Variants in SASH1 observed in about 807,000 individuals in gnomAD.
SASH1 encodes the protein SAM and SH3 domain-containing protein 1.
SASH1 carries 44 observed loss-of-function variants against 125.2 expected under a neutral mutation model. The ratio of observed to expected loss-of-function variants is 0.35; its 90% CI spans 0.28 to 0.45. The LOEUF (loss-of-function observed/expected upper bound fraction) is 0.45. Ranked by LOEUF, SASH1 falls within the 20% of genes least tolerant of loss-of-function variation. SASH1 has a pLI of 1.00. For missense variants in SASH1, 1,426 were observed against 1,614.5 expected (o/e 0.88, Z 2.00); for synonymous variants, 639 against 649.1 (o/e 0.98, Z 0.24).
the SASH1 span, among the ~76,000 whole-genome samples, chr6:148,201,978 G>C: frequency 6.6e-6 from 1 of 151,992 alleles, no homozygotes; most frequent in South Asian, 2.1e-4. Flanking sequence ...GCTATTGAAG[G>C]TGTATATCCA....
intron 1 of SASH1, among the ~76,000 whole-genome samples, chr6:148,387,564 T>TTCTC (rs1219500842): frequency 7.7e-5 from 11 of 142,272 alleles, no homozygotes; most frequent in East Asian, 2.2e-4. Context: ...TTTCTTTCTT[T>TTCTC]TCTCTTTCTT....
rs1017701489 is a variant in SASH1 at position 148,512,049 on chromosome 6, C to T, written c.730-2275C>T. On this transcript the variant is annotated intron_variant, in intron 8 of 19. Transcript: ENST00000367467. ...TATTTATTTTTTTGAGACAGAGTCT[C>T]GCTCTGTCGCCCAGGCTGGAGTGCA... 1.4e-4 allele frequency among the ~76,000 whole-genome samples: 17 copies of T among 125,272 alleles called. No homozygotes were observed. In the East Asian group the frequency reaches 3.2e-3, roughly 24 times the overall value. 82.2% of individuals were successfully genotyped at this position (125,272 alleles called of 152,430 possible). A position where few individuals can be genotyped will look rare whatever the true frequency, so the allele number is the denominator to read the frequency against.
chr6:148,429,602 G>A (rs1002838459), intron 2 of SASH1, among the ~76,000 whole-genome samples: 1 of 151,622 alleles, frequency 6.6e-6, no homozygotes, highest in Non-Finnish European at 1.5e-5. Flanking sequence ...AATAAATTAG[G>A]CATGGTGGTG....
At chr6:148,368,755 C>T (rs1218311878) in intron 1 of SASH1, among the ~76,000 whole-genome samples, 6 of 123,838 alleles carry the variant, frequency 4.8e-5, no homozygotes, top group South Asian at 2.5e-4. Flanking sequence ...CCCCCACATG[C>T]GCGCGCACGC....
At chr6:148,397,112 G>A (rs1044797671) in intron 2 of SASH1, among the ~76,000 whole-genome samples, 8 of 151,990 alleles carry the variant, frequency 5.3e-5, no homozygotes, top group African/African-American at 1.7e-4. Flanking sequence ...GTTTCCCGGC[G>A]TCCACAGCTA....
intron 8 of SASH1, among the ~76,000 whole-genome samples, chr6:148,493,342 A>G (rs1779188342): frequency 1.3e-5 from 2 of 152,318 alleles, no homozygotes; most frequent in South Asian, 2.1e-4. Flanking sequence ...AACCCCATCC[A>G]AAATATTCAT....
intron 11 of SASH1, among the ~76,000 whole-genome samples, chr6:148,526,056 T>C (rs1170540153): frequency 7.5e-6 from 1 of 132,912 alleles, no homozygotes; most frequent in East Asian, 2.0e-4. Flanking sequence ...CTTTTTTTTT[T>C]TTTTTTTTTT....
chr6:148,433,727 A>G (rs1776160712), intron 2 of SASH1, among the ~76,000 whole-genome samples: 1 of 151,982 alleles, frequency 6.6e-6, no homozygotes, highest in Non-Finnish European at 1.5e-5. Context: ...TTTTAGCTTA[A>G]TTGTTGGACT....
At chr6:148,534,204 C>A (rs558297708) in intron 15 of SASH1, among the ~76,000 whole-genome samples, 1 of 152,308 alleles carries the variant, frequency 6.6e-6, no homozygotes, top group East Asian at 1.9e-4. Flanking sequence ...ATAGCGTAAG[C>A]CCCGGGTCAA....
chr6:148,462,242 A>G (rs192305271), intron 4 of SASH1, among the ~76,000 whole-genome samples: 4 of 151,710 alleles, frequency 2.6e-5, no homozygotes, highest in African/African-American at 7.2e-5. Context: ...AACATATAGC[A>G]TATGTTCCTT....
At chr6:148,463,936 T>C (rs1054951478) in intron 4 of SASH1, among the ~76,000 whole-genome samples, 5 of 152,218 alleles carry the variant, frequency 3.3e-5, no homozygotes, top group African/African-American at 1.2e-4. Flanking sequence ...CTGTCTTGTT[T>C]ATTGCTATGT....
the SASH1 span, among the ~76,000 whole-genome samples, chr6:148,229,815 G>C: frequency 0.045 from 6,729 of 150,036 alleles, 189 homozygotes; most frequent in East Asian, 0.067. Flanking sequence ...AGGTTCAAGC[G>C]ATTCTCCTGT....
chr6:148,514,600 A>G, intron 9 of SASH1, 144 bp downstream of exon 9: 1 of 1,043,230 alleles, frequency 9.6e-7, no homozygotes, highest in Middle Eastern at 3.3e-4. Flanking sequence ...ATCTGGCAGG[A>G]CTATGCCTGC....
intron 7 of SASH1, among the ~76,000 whole-genome samples, chr6:148,482,427 A>T (rs779823827): frequency 6.6e-6 from 1 of 152,234 alleles, no homozygotes; most frequent in Non-Finnish European, 1.5e-5. Context: ...CAACAAGACC[A>T]TATCTGTGTG....
At chr6:148,333,243 AT>A (rs1424785295) in intron 1 of SASH1, among the ~76,000 whole-genome samples, 6 of 151,640 alleles carry the variant, frequency 4.0e-5, no homozygotes, top group East Asian at 1.9e-4. Context: ...TCTACAAAAA[AT>A]AATAATAATA....
At chr6:148,298,011 T>C (rs1395570543) in intron 1 of SASH1, among the ~76,000 whole-genome samples, 1 of 150,082 alleles carries the variant, frequency 6.7e-6, no homozygotes, top group South Asian at 2.1e-4. Flanking sequence ...TTATTATATA[T>C]ATATTTTTTT....
At position 148,421,198 on chromosome 6, in the gene SASH1, A is replaced by G. The variant is rs879287462; in HGVS notation, c.286-18986A>G. ...GAAAGAAAGAAAGAAAGAAAGAAAGAAAGAAAGAAAGAAAGAAAAAGAAAG... is the reference window on the plus strand; with the variant it reads ...GAAAGAAAGAAAGAAAGAAAGAAAGGAAGAAAGAAAGAAAGAAAAAGAAAG... On this transcript the variant is annotated intron_variant, in intron 2 of 19. Transcript: ENST00000367467. 3.5e-3 allele frequency among the ~76,000 whole-genome samples: 505 copies of G among 143,456 alleles called. 2 individuals are homozygous for G. The highest frequency in any genetic ancestry group is 8.9e-3 in the African/African-American group (356 of 40,048). The allele number at this position is 143,456 out of a possible 152,430, so 94.1% of individuals were successfully genotyped here.
intron 4 of SASH1, chr6:148,440,738 G>A (rs996299135): frequency 1.5e-5 from 4 of 274,760 alleles, no homozygotes; most frequent in Admixed American, 4.8e-5. Context: ...TTTAATGTAG[G>A]ATAAAAGTTA....
At chr6:148,250,225 A>G in the SASH1 span, among the ~76,000 whole-genome samples, 3 of 152,178 alleles carry the variant, frequency 2.0e-5, no homozygotes, top group African/African-American at 7.2e-5. Context: ...AAACCAAGAC[A>G]GACTGTCTTC....
Sources: gnomAD v4.1 joint callset for allele counts (sites outside exome capture counted in the v4.1 genomes callset) on GRCh38, gnomAD v4.1.1 for gene constraint, MANE v1.5 for transcripts, NCBI Gene and HGNC (gene_info 2026-07-23, HGNC 2026-07-21) for gene names.